Variants in DENND11 observed in about 807,000 individuals in gnomAD.
DENND11 encodes the protein DENN domain-containing protein 11.
A neutral mutation model predicts 49.2 loss-of-function variants in DENND11; 34 were observed. The observed-to-expected ratio is 0.69, with a 90% CI of 0.53 to 0.92. The LOEUF is 0.92. Among genes scored for constraint, DENND11 ranks in the 40% least tolerant of loss-of-function variants. DENND11 has a pLI of 0.00. For missense variants in DENND11, 475 were observed against 581.6 expected (o/e 0.82, Z 1.88); for synonymous variants, 238 against 230.3 (o/e 1.03, Z -0.30).
chr7:141,662,940 CTGTTT>C (rs1453587456), intron 8 of DENND11, 89 bp from the exon 9 acceptor site: 1 of 948,082 alleles, frequency 1.1e-6, no homozygotes, highest in Non-Finnish European at 1.5e-6. Flanking sequence ...CAAAACTATA[CTGTTT>C]TGTTTAATGT....
intron 1 of DENND11, among the ~76,000 whole-genome samples, chr7:141,698,124 T>A (rs1798445201): frequency 6.6e-6 from 1 of 152,174 alleles, no homozygotes; most frequent in Non-Finnish European, 1.5e-5. Flanking sequence ...ATGAGGCAGA[T>A]GCAAAGATGT....
rs1475503253 is a variant in DENND11, at chr7:141,661,031, T to C, written c.*1625A>G. The C allele has an allele frequency of 6.6e-6, 1 of 152,244 alleles. No individual in the cohort carries two copies. Among genetic ancestry groups the C allele is most frequent in the Non-Finnish European group, 1.5e-5 (1 of 68,038 alleles). The allele number at this position is 152,244 out of a possible 1,614,324, so 9.4% of individuals were successfully genotyped here. A position where few individuals can be genotyped will look rare whatever the true frequency, so the allele number is the denominator to read the frequency against. Reference sequence around the variant, plus strand: ...CATGTGAATTTCTTCAGTTTTGATATTCCATATGAAGGAGCTACAGTGAAA... The same window carrying C: ...CATGTGAATTTCTTCAGTTTTGATACTCCATATGAAGGAGCTACAGTGAAA... On this transcript the variant is annotated 3_prime_UTR_variant, in exon 9 of 9. Coordinates refer to ENST00000536163, the MANE Select transcript of DENND11 (RefSeq NM_001080392.2).
At chr7:141,668,716 C>G (rs564838218) in intron 4 of DENND11, among the ~76,000 whole-genome samples, 10 of 152,368 alleles carry the variant, frequency 6.6e-5, no homozygotes, top group Non-Finnish European at 8.8e-5. Flanking sequence ...TGCCCAGGCC[C>G]ATGCCAGGGA....
At chr7:141,685,032 AT>A (rs796346881) in intron 3 of DENND11, among the ~76,000 whole-genome samples, 15,825 of 90,474 alleles carry the variant, frequency 0.17, 1,566 homozygotes, top group Non-Finnish European at 0.23. Context: ...AAAAAAAAAT[AT>A]ATATATATAT....
chr7:141,662,706 C>A lies in DENND11; in HGVS notation c.1318G>T (p.Ala440Ser). 6.2e-7 allele frequency: 1 copy of A among 1,609,470 alleles called. No homozygotes were observed. The highest frequency in any genetic ancestry group is 8.5e-7 in the Non-Finnish European group (1 of 1,178,156). Reference protein sequence around the residue: ...DRSFLLDLLEAYGIDVMLVID... With the variant: ...DRSFLLDLLESYGIDVMLVID... ...ACCAGCATGACATCAATGCCATAGGCCTCCAGCAGGTCCAGGAGAAAGCTC... is the reference window on the plus strand; with the variant it reads ...ACCAGCATGACATCAATGCCATAGGACTCCAGCAGGTCCAGGAGAAAGCTC... Residue 440 changes from alanine (A) to serine (S), a missense_variant, in exon 9 of 9, where the codon GCC becomes TCC. Physicochemically the swap from Ala to Ser is moderately conservative, Grantham distance 99. Coordinates refer to ENST00000536163, the MANE Select transcript of DENND11 (RefSeq NM_001080392.2).
At chr7:141,674,755 TC>T (rs1562998670) in intron 3 of DENND11, among the ~76,000 whole-genome samples, 1 of 152,152 alleles carries the variant, frequency 6.6e-6, no homozygotes, top group Non-Finnish European at 1.5e-5. Flanking sequence ...AATTTCTGCA[TC>T]AAGTATAATA....
chr7:141,668,746 C>A (rs1797932889), intron 4 of DENND11, among the ~76,000 whole-genome samples: 1 of 152,248 alleles, frequency 6.6e-6, no homozygotes, highest in African/African-American at 2.4e-5. Flanking sequence ...CACAGGGCCA[C>A]CTCCTTTCTT....
At chr7:141,679,936 G>A (rs1193226001) in intron 3 of DENND11, among the ~76,000 whole-genome samples, 1 of 152,156 alleles carries the variant, frequency 6.6e-6, no homozygotes, top group African/African-American at 2.4e-5. Flanking sequence ...CAACGTTGAG[G>A]TGAAACAGGC....
rs897491347 is a variant in DENND11 at position 141,702,040 on chromosome 7, C to CCCG, written c.111_113dup (p.Gly39dup). 7 of 1,003,152 alleles carry CCCG rather than the reference C, an allele frequency of 7.0e-6. No individual in the cohort carries two copies. In the African/African-American group the frequency reaches 1.1e-4, roughly 15 times the overall value. 62.1% of individuals were successfully genotyped at this position (1,003,152 alleles called of 1,614,324 possible). On this transcript the variant is annotated inframe_insertion, in exon 1 of 9. Coordinates refer to ENST00000536163, the MANE Select transcript of DENND11 (RefSeq NM_001080392.2). ...GCGGCTCCGCGGCCGGCCGGGCGCC[C>CCCG]CCGCCGCCGCCCCGGCCCCAGCCTC...
At position 141,662,220 on chromosome 7, in the gene DENND11, A is replaced by G. The variant is rs1486520558; in HGVS notation, c.*436T>C. ...ACTCCTAGAACTACTAAAAACCTTA[A>G]AAGATCATCTGGTCTAGTTTCTGCC... is the stretch of plus-strand genomic sequence containing the variant. On this transcript the variant is annotated 3_prime_UTR_variant, in exon 9 of 9. Coordinates refer to ENST00000536163, the MANE Select transcript of DENND11 (RefSeq NM_001080392.2). 8.7e-5 allele frequency: 14 copies of G among 161,692 alleles called. No homozygotes were observed. The South Asian group carries it at 2.0e-3, about 24-fold the overall frequency. 10.0% of individuals were successfully genotyped at this position (161,692 alleles called of 1,614,324 possible). A position where few individuals can be genotyped will look rare whatever the true frequency, so the allele number is the denominator to read the frequency against.
At position 141,665,270 on chromosome 7, in the gene DENND11, C is replaced by A. The variant is rs765451918; in HGVS notation, c.869G>T (p.Gly290Val). The change falls in exon 6 of 9, where the codon GGC (glycine) becomes GTC (valine). Residue 290 changes from glycine to valine, a missense_variant. Physicochemically the swap from Gly to Val is moderately radical, Grantham distance 109 (BLOSUM62 -3). Transcript: ENST00000536163. ...LANVSLPGIGGTIPESKPFFY... is the reference protein window; with the variant it reads ...LANVSLPGIGVTIPESKPFFY... ...GAAAGGTTTGGACTCAGGAATGGTG[C>A]CCCCGATGCCAGGCAGTGAAACGTT... 6.2e-6 allele frequency: 10 copies of A among 1,613,640 alleles called. No individual in the cohort carries two copies. In the Admixed American group the frequency reaches 1.0e-4, roughly 16 times the overall value.
In DENND11 at chr7:141,662,709, C is replaced by G. The variant is rs1433837556; in HGVS notation, c.1315G>C (p.Glu439Gln). The G allele has an allele frequency of 6.2e-7, 1 of 1,609,656 alleles. No homozygotes were observed. The highest frequency in any genetic ancestry group is 8.5e-7 in the Non-Finnish European group (1 of 1,178,190). Residue 439 changes from glutamate to glutamine, a missense_variant, in exon 9 of 9, where the codon GAG (glutamate) becomes CAG (glutamine). By Grantham distance (29) the Glu-to-Gln change is conservative (BLOSUM62 2). Transcript: ENST00000536163. ...GDRSFLLDLL[E>Q]AYGIDVMLVI... ...AGCATGACATCAATGCCATAGGCCTCCAGCAGGTCCAGGAGAAAGCTCCGG... is the reference window on the plus strand; with the variant it reads ...AGCATGACATCAATGCCATAGGCCTGCAGCAGGTCCAGGAGAAAGCTCCGG...
At chr7:141,682,592 C>T (rs938579337) in intron 3 of DENND11, among the ~76,000 whole-genome samples, 1 of 152,126 alleles carries the variant, frequency 6.6e-6, no homozygotes, top group East Asian at 1.9e-4. Context: ...GAAAGAGCAC[C>T]TTACAATACA....
intron 1 of DENND11, among the ~76,000 whole-genome samples, chr7:141,699,981 T>C (rs1038480305): frequency 7.2e-5 from 11 of 152,148 alleles, no homozygotes; most frequent in Admixed American, 5.2e-4. Flanking sequence ...GCTCACTGCC[T>C]GTGACTGACA....
intron 1 of DENND11, among the ~76,000 whole-genome samples, chr7:141,694,267 G>A (rs1798374937): frequency 6.6e-6 from 1 of 152,068 alleles, no homozygotes; most frequent in African/African-American, 2.4e-5. Context: ...TTATACTGAA[G>A]TATTTTATTT....
At chr7:141,676,928 C>T (rs1259477638) in intron 3 of DENND11, among the ~76,000 whole-genome samples, 2 of 152,160 alleles carry the variant, frequency 1.3e-5, no homozygotes, top group African/African-American at 2.4e-5. Context: ...AATCAGAAGC[C>T]ATAGGCTGCT....
intron 2 of DENND11, 56 bp downstream of exon 2, chr7:141,686,503 A>T: frequency 8.9e-7 from 1 of 1,125,792 alleles, no homozygotes; most frequent in Middle Eastern, 1.9e-4. Flanking sequence ...AGCTTTGGGG[A>T]AAGTGTGGAG....
At chr7:141,669,600 C>T (rs928852170) in intron 4 of DENND11, among the ~76,000 whole-genome samples, 17 of 151,736 alleles carry the variant, frequency 1.1e-4, no homozygotes, top group East Asian at 1.9e-4. Flanking sequence ...GAATTATATA[C>T]GTATGATTTT....
intron 1 of DENND11, among the ~76,000 whole-genome samples, chr7:141,698,624 CCA>C (rs1156300289): frequency 6.6e-6 from 1 of 152,128 alleles, no homozygotes; most frequent in African/African-American, 2.4e-5. Flanking sequence ...CTGATTCTTC[CCA>C]CAGATGGCCA....
Sources: allele counts gnomAD v4.1 joint callset (sites outside exome capture counted in the v4.1 genomes callset), GRCh38; gene constraint gnomAD v4.1.1; transcripts MANE v1.5; gene names NCBI Gene and HGNC (gene_info 2026-07-23, HGNC 2026-07-21).